GRIP1: variants seen among roughly 807,000 people sequenced by gnomAD.
The protein encoded by GRIP1 is glutamate receptor interacting protein 1.
GRIP1 carries 45 observed loss-of-function variants against 129.9 expected under a neutral mutation model. That is an observed-to-expected ratio of 0.35 (90% CI 0.27 to 0.44). The LOEUF is 0.44. GRIP1 is among the 20% of genes least tolerant of loss of function. The probability of loss-of-function intolerance (pLI) is 1.00; values close to 1 mark genes in which losing one functional copy is unlikely to be tolerated. For missense variants in GRIP1, 1,196 were observed against 1,396.8 expected (o/e 0.86, Z 2.29); for synonymous variants, 530 against 520.8 (o/e 1.02, Z -0.24).
chr12:66,589,214 C>G (rs2063759790), intron 2 of GRIP1, among the ~76,000 whole-genome samples: 1 of 145,524 alleles, frequency 6.9e-6, no homozygotes, highest in Non-Finnish European at 1.5e-5. Flanking sequence ...CTCTCTCTCT[C>G]TCTCTCTCTC....
At chr12:66,586,491 G>A (rs1352642961) in intron 2 of GRIP1, among the ~76,000 whole-genome samples, 1 of 152,078 alleles carries the variant, frequency 6.6e-6, no homozygotes, top group African/African-American at 2.4e-5. Context: ...GTGCCACCTA[G>A]AAGACCTGTC....
chr12:66,734,071 T>C (rs558984742), intron 1 of GRIP1, among the ~76,000 whole-genome samples: 68 of 152,302 alleles, frequency 4.5e-4, no homozygotes, highest in African/African-American at 1.6e-3. Context: ...GGAATCAAAG[T>C]TGCTTGCTTT....
intron 22 of GRIP1, among the ~76,000 whole-genome samples, chr12:66,376,346 G>A (rs2055784022): frequency 1.3e-5 from 2 of 152,012 alleles, no homozygotes; most frequent in Admixed American, 1.3e-4. Flanking sequence ...GGTGACTTGG[G>A]GACCTCATAA....
chr12:66,773,142 C>T (rs1020529473), intron 1 of GRIP1, among the ~76,000 whole-genome samples: 1 of 152,086 alleles, frequency 6.6e-6, no homozygotes, highest in African/African-American at 2.4e-5. Context: ...TTACTGAGGT[C>T]CGCATTTACC....
chr12:67,016,845 T>C (rs999357845), intron 1 of GRIP1, among the ~76,000 whole-genome samples: 1 of 152,194 alleles, frequency 6.6e-6, no homozygotes, highest in Non-Finnish European at 1.5e-5. Context: ...AACACAAGTA[T>C]GATATCCCCC....
chr12:66,744,943 T>C (rs931891612), intron 1 of GRIP1, among the ~76,000 whole-genome samples: 3 of 152,228 alleles, frequency 2.0e-5, no homozygotes, highest in African/African-American at 7.2e-5. Flanking sequence ...ATTTGGCTTC[T>C]GGTTTTAACA....
intron 2 of GRIP1, chr12:66,568,224 G>T (rs1380355303): frequency 1.1e-5 from 2 of 185,022 alleles, no homozygotes; most frequent in Non-Finnish European, 2.3e-5. Context: ...TTGCTAAAAT[G>T]ACTTTTTGAC....
At chr12:67,029,258 T>C (rs1270149695) in intron 1 of GRIP1, among the ~76,000 whole-genome samples, 1 of 152,088 alleles carries the variant, frequency 6.6e-6, no homozygotes, top group Non-Finnish European at 1.5e-5. Flanking sequence ...GCCTAGCTAA[T>C]TTTTTGGAGT....
At chr12:66,477,266 C>T (rs1216095129) in intron 7 of GRIP1, among the ~76,000 whole-genome samples, 2 of 152,224 alleles carry the variant, frequency 1.3e-5, no homozygotes, top group Non-Finnish European at 2.9e-5. Flanking sequence ...CATGAGTGAA[C>T]TCCCATTCAC....
chr12:66,383,089 G>A (rs1292301958), intron 19 of GRIP1, among the ~76,000 whole-genome samples: 1 of 152,030 alleles, frequency 6.6e-6, no homozygotes, highest in African/African-American at 2.4e-5. Flanking sequence ...CTGAGGCCAG[G>A]AGTTCGAGAC....
At chr12:66,531,253 ATAT>A (rs1213304804) in intron 4 of GRIP1, among the ~76,000 whole-genome samples, 29 of 17,376 alleles carry the variant, frequency 1.7e-3, no homozygotes, top group Non-Finnish European at 3.1e-3. Flanking sequence ...AAAAAAAAAA[ATAT>A]ATATATATAT....
chr12:66,477,356 C>T (rs1366998943), intron 7 of GRIP1, among the ~76,000 whole-genome samples: 4 of 151,840 alleles, frequency 2.6e-5, no homozygotes, highest in Admixed American at 2.6e-4. Context: ...GAACTACAAA[C>T]CACTGCTCAA....
intron 1 of GRIP1, among the ~76,000 whole-genome samples, chr12:66,801,150 A>C (rs1171704664): frequency 6.6e-6 from 1 of 152,136 alleles, no homozygotes; most frequent in East Asian, 1.9e-4. Flanking sequence ...TAACTGGGAA[A>C]AGCTTTAGGG....
intron 14 of GRIP1, among the ~76,000 whole-genome samples, chr12:66,428,142 T>G (rs181569054): frequency 6.6e-6 from 1 of 152,292 alleles, no homozygotes; most frequent in East Asian, 1.9e-4. Context: ...CCAAGTTTGG[T>G]TTGGTAACAT....
rs1471976160 is a variant in GRIP1 at position 66,377,082 on chromosome 12, T to G, written c.2734-21A>C. 1.9e-6 allele frequency: 3 copies of G among 1,606,996 alleles called. No homozygotes were observed. In the East Asian group the frequency reaches 6.7e-5, roughly 36 times the overall value. On this transcript the variant is annotated intron_variant, in intron 21 of 24. Coordinates refer to ENST00000359742, the MANE Select transcript of GRIP1 (RefSeq NM_001366722.1). ...TTCTCCTGTGGAAAGGGTTAAAGCT[T>G]TTAAATGAACTGGTGTGAGAAATGC...
intron 2 of GRIP1, among the ~76,000 whole-genome samples, chr12:66,589,412 T>G (rs1206945900): frequency 3.9e-5 from 6 of 152,198 alleles, no homozygotes; most frequent in Non-Finnish European, 7.3e-5. Flanking sequence ...AATGACATGT[T>G]TCTGCACTAC....
intron 19 of GRIP1, among the ~76,000 whole-genome samples, chr12:66,384,008 G>A (rs542630255): frequency 3.3e-5 from 5 of 152,258 alleles, no homozygotes; most frequent in South Asian, 4.2e-4. Context: ...AAACAGAGCC[G>A]AAATATTTAG....
intron 19 of GRIP1, among the ~76,000 whole-genome samples, chr12:66,387,238 G>T (rs1040367386): frequency 3.3e-5 from 5 of 152,202 alleles, no homozygotes; most frequent in Admixed American, 6.5e-5. Context: ...AAGTACATGT[G>T]ATCCCATCTG....
intron 1 of GRIP1, among the ~76,000 whole-genome samples, chr12:66,854,083 C>T (rs1345331390): frequency 1.3e-5 from 2 of 151,874 alleles, no homozygotes; most frequent in African/African-American, 2.4e-5. Flanking sequence ...TTTCTAGATG[C>T]CAATTGTTAA....
Sources: gnomAD v4.1 joint callset for allele counts (sites outside exome capture counted in the v4.1 genomes callset) on GRCh38, gnomAD v4.1.1 for gene constraint, MANE v1.5 for transcripts, NCBI Gene and HGNC (gene_info 2026-07-23, HGNC 2026-07-21) for gene names.